RGS7: variants seen among roughly 807,000 people sequenced by gnomAD.
The protein encoded by RGS7 is regulator of G-protein signaling 7.
RGS7 carries 27 observed loss-of-function variants against 81.1 expected under a neutral mutation model. That is an observed-to-expected ratio of 0.33 (90% CI 0.25 to 0.46). The LOEUF (loss-of-function observed/expected upper bound fraction) is 0.46, where lower values mean the gene tolerates loss of function less well. Among genes scored for constraint, RGS7 ranks in the 20% least tolerant of loss-of-function variants. The pLI is 1.00. For missense variants in RGS7, 396 were observed against 607.4 expected, an observed-to-expected ratio of 0.65 and a Z score of 3.66; for synonymous variants, 208 against 207.7, an observed-to-expected ratio of 1.00 and a Z score of -0.01.
At position 241,238,979 on chromosome 1, in the gene RGS7, T is replaced by TTC. The variant is rs1451291878; in HGVS notation, c.78+116719_78+116720insGA. 1.3e-4 allele frequency among the ~76,000 whole-genome samples: 19 copies of TTC among 149,128 alleles called. 1 individual carries two copies. On this transcript the variant is annotated intron_variant, in intron 2 of 18. Transcript: ENST00000440928. Reference sequence around the variant, plus strand: ...TTGCCTCTCTCTCTTTTTTTTTTTTTTTTTTTTGAGATACAGTCTCGCTCT... The same window carrying TTC: ...TTGCCTCTCTCTCTTTTTTTTTTTTTTCTTTTTTTGAGATACAGTCTCGCTCT...
chr1:241,254,059 A>T (rs926295074), intron 2 of RGS7, among the ~76,000 whole-genome samples: 2 of 151,974 alleles, frequency 1.3e-5, no homozygotes, highest in Non-Finnish European at 2.9e-5. Flanking sequence ...AATTAGTTGG[A>T]TGTAGTGGTG....
chr1:241,107,693 T>C (rs1386178984), intron 2 of RGS7, among the ~76,000 whole-genome samples: 1 of 152,208 alleles, frequency 6.6e-6, no homozygotes, highest in Non-Finnish European at 1.5e-5. Flanking sequence ...TCAAACGTTG[T>C]GCTCAAATAA....
At chr1:240,953,406 G>C (rs1679872775) in intron 4 of RGS7, among the ~76,000 whole-genome samples, 1 of 151,644 alleles carries the variant, frequency 6.6e-6, no homozygotes, top group Non-Finnish European at 1.5e-5. Flanking sequence ...CAGATGCAAA[G>C]GAATTAAACT....
chr1:240,895,446 C>A (rs1206108356), intron 6 of RGS7, among the ~76,000 whole-genome samples: 7 of 151,902 alleles, frequency 4.6e-5, no homozygotes, highest in Non-Finnish European at 7.4e-5. Flanking sequence ...CCCTCCTCCA[C>A]CCCATGACAG....
intron 6 of RGS7, 134 bp downstream of exon 6, chr1:240,930,583 C>A: frequency 1.2e-6 from 1 of 864,822 alleles, no homozygotes; most frequent in South Asian, 1.4e-5. Context: ...CTTATCAATT[C>A]AATGTTAAAA....
At chr1:241,110,571 G>C (rs939902210) in intron 2 of RGS7, among the ~76,000 whole-genome samples, 7 of 152,082 alleles carry the variant, frequency 4.6e-5, no homozygotes, top group Admixed American at 4.6e-4. Context: ...CTGAGATTCC[G>C]GCAGGAAGGA....
chr1:241,144,268 GTT>G lies in RGS7; in HGVS notation c.79-45508_79-45507del, dbSNP rs2068132634. On this transcript the variant is annotated intron_variant, in intron 2 of 18. Transcript: ENST00000440928. The surrounding 1 kb of genome is among the most constrained non-coding windows in gnomAD (Gnocchi z 4.7). The stretch of plus-strand genomic sequence containing the variant: ...ACATACATGTGCTGGCGCATATGTT[GTT>G]TATTTCTCTGCTGTTTATACCAAAC... 1.3e-5 allele frequency among the ~76,000 whole-genome samples: 2 copies of G among 152,080 alleles called. No homozygotes were observed. Among genetic ancestry groups the G allele is most frequent in the African/African-American group, 4.8e-5 (2 of 41,394 alleles).
At chr1:241,123,489 G>A (rs952212775) in intron 2 of RGS7, among the ~76,000 whole-genome samples, 8 of 152,310 alleles carry the variant, frequency 5.3e-5, no homozygotes, top group South Asian at 4.1e-4. Flanking sequence ...GGTGGCTCAC[G>A]CCTGTAATCC....
intron 2 of RGS7, among the ~76,000 whole-genome samples, chr1:241,185,503 C>G (rs374544121): frequency 3.3e-5 from 5 of 152,108 alleles, no homozygotes; most frequent in African/African-American, 1.2e-4. Context: ...GATCTAATGT[C>G]TATAGAATAT....
intron 2 of RGS7, among the ~76,000 whole-genome samples, chr1:241,165,013 A>G (rs2070070884): frequency 6.6e-6 from 1 of 152,180 alleles, no homozygotes; most frequent in African/African-American, 2.4e-5. Flanking sequence ...ATCCTGTGTA[A>G]GGGCTCACTC....
intron 2 of RGS7, among the ~76,000 whole-genome samples, chr1:241,155,845 T>C (rs1159151329): frequency 2.6e-5 from 4 of 152,184 alleles, no homozygotes; most frequent in African/African-American, 9.6e-5. Context: ...GTTTTAAAAA[T>C]AGGCCAAATG....
intron 18 of RGS7, among the ~76,000 whole-genome samples, chr1:240,790,684 T>A (rs896379351): frequency 6.6e-6 from 1 of 152,182 alleles, no homozygotes; most frequent in Admixed American, 6.5e-5. Context: ...GGGTACCACA[T>A]CTCAGATACT....
At chr1:240,989,012 C>G (rs1379239607) in intron 3 of RGS7, among the ~76,000 whole-genome samples, 1 of 152,122 alleles carries the variant, frequency 6.6e-6, no homozygotes, top group Non-Finnish European at 1.5e-5. Context: ...GATCTGAACA[C>G]AAACAAAACA....
chr1:241,046,305 C>G (rs932485797), intron 3 of RGS7, among the ~76,000 whole-genome samples: 11 of 10,496 alleles, frequency 1.0e-3, no homozygotes, highest in Admixed American at 1.6e-3. Context: ...AGCCCTGACC[C>G]CCCCCCCCTT....
intron 2 of RGS7, among the ~76,000 whole-genome samples, chr1:241,254,915 C>T (rs2076993566): frequency 6.6e-6 from 1 of 152,172 alleles, no homozygotes; most frequent in Admixed American, 6.5e-5. Flanking sequence ...TGCTGAAACA[C>T]CCACTACATA....
intron 3 of RGS7, among the ~76,000 whole-genome samples, chr1:241,015,064 C>T (rs896139112): frequency 1.1e-4 from 17 of 152,180 alleles, no homozygotes; most frequent in African/African-American, 4.1e-4. Context: ...CATTGAATCA[C>T]AAATTGAAAA....
chr1:240,784,645 CA>C (rs879440513), intron 18 of RGS7, among the ~76,000 whole-genome samples: 34 of 125,950 alleles, frequency 2.7e-4, no homozygotes, highest in Non-Finnish European at 3.2e-4. Flanking sequence ...GACTCCGCCT[CA>C]AAAAAAAAAA....
intron 6 of RGS7, among the ~76,000 whole-genome samples, chr1:240,906,943 A>G (rs1480592832): frequency 1.3e-5 from 2 of 152,246 alleles, no homozygotes; most frequent in African/African-American, 4.8e-5. Flanking sequence ...AATAAGTTAT[A>G]GAAAATCTTT....
At chr1:241,203,053 C>T (rs529610267) in intron 2 of RGS7, among the ~76,000 whole-genome samples, 40 of 152,030 alleles carry the variant, frequency 2.6e-4, no homozygotes, top group Non-Finnish European at 2.5e-4. Context: ...CTTGAGGGGT[C>T]CATCCTGAGT....
Sources: gnomAD v4.1 joint callset for allele counts (sites outside exome capture counted in the v4.1 genomes callset) on GRCh38, gnomAD v4.1.1 for gene constraint, Gnocchi (gnomAD v3.1) non-coding constraint, MANE v1.5 for transcripts, NCBI Gene and HGNC (gene_info 2026-07-23, HGNC 2026-07-21) for gene names.